RASEF: variants seen among roughly 807,000 people sequenced by gnomAD.
RASEF encodes RAS and EF-hand domain containing.
RASEF carries 68 observed loss-of-function variants against 90.1 expected under a neutral mutation model. The observed-to-expected ratio is 0.75, with a 90% CI of 0.62 to 0.92. RASEF has a LOEUF of 0.92. Ranked by LOEUF, RASEF falls within the 40% of genes least tolerant of loss-of-function variation. The pLI, the probability that RASEF is intolerant of heterozygous loss-of-function variation, is 0.00. For missense variants in RASEF, 949 were observed against 937.2 expected, an observed-to-expected ratio of 1.01 and a Z score of -0.16; for synonymous variants, 331 against 345.2, an observed-to-expected ratio of 0.96 and a Z score of 0.46.
At chr9:83,140,621 G>A in the RASEF span, among the ~76,000 whole-genome samples, 1 of 152,078 alleles carries the variant, frequency 6.6e-6, no homozygotes, top group Admixed American at 6.6e-5. Flanking sequence ...CACCAGAACA[G>A]AGTCACACTT....
chr9:83,023,277 G>A (rs2118564043), intron 2 of RASEF, among the ~76,000 whole-genome samples: 1 of 152,286 alleles, frequency 6.6e-6, no homozygotes, highest in Non-Finnish European at 1.5e-5. Context: ...GAAAAATTAT[G>A]TTTCTGTTAG....
chr9:83,129,696 C>G, the RASEF span, among the ~76,000 whole-genome samples: 1 of 152,060 alleles, frequency 6.6e-6, no homozygotes, highest in Non-Finnish European at 1.5e-5. Flanking sequence ...ATCCAGGTAG[C>G]CACGGAAGTC....
the RASEF span, among the ~76,000 whole-genome samples, chr9:83,079,893 C>T: frequency 9.3e-5 from 14 of 150,856 alleles, no homozygotes; most frequent in African/African-American, 2.7e-4. Flanking sequence ...AACAGCCTTG[C>T]GATATGATGA....
chr9:82,993,128 T>C, intron 14 of RASEF, 103 bp from the exon 15 acceptor site: 1 of 1,204,486 alleles, frequency 8.3e-7, no homozygotes, highest in South Asian at 1.5e-5. Context: ...CTTTGCCTCC[T>C]TTGTGCCAAA....
chr9:83,133,258 C>G, the RASEF span, among the ~76,000 whole-genome samples: 1,349 of 152,238 alleles, frequency 8.9e-3, 23 homozygotes, highest in African/African-American at 0.031. Context: ...CCAGAAACTC[C>G]TGGAAGACCA....
At position 83,062,816 on chromosome 9, in the gene RASEF, C is replaced by T. The variant is rs976887551; in HGVS notation, c.52G>A (p.Ala18Thr). Residue 18 changes from alanine (A) to threonine (T), a missense_variant, in exon 1 of 17, where the codon GCC becomes ACC. Coordinates refer to ENST00000376447, the MANE Select transcript of RASEF (RefSeq NM_152573.4). ...CCCGAGCGGTTCGCGTCGCAGGCGG[C>T]GAAGACTGAGCGCAGCCGGGCCAGC... The part of the protein sequence containing the change: ...EELARLRSVF[A>T]ACDANRSGRL... 2.6e-6 allele frequency: 4 copies of T among 1,554,850 alleles called. No individual in the cohort carries two copies. Among genetic ancestry groups the T allele is most frequent in the South Asian group, 1.2e-5 (1 of 84,984 alleles).
chr9:83,156,205 T>C, the RASEF span, among the ~76,000 whole-genome samples: 1 of 152,230 alleles, frequency 6.6e-6, no homozygotes, highest in Non-Finnish European at 1.5e-5. Context: ...TCTGATCTTA[T>C]ATTGACCTGC....
the RASEF span, among the ~76,000 whole-genome samples, chr9:83,085,904 GAC>G: frequency 6.6e-6 from 1 of 151,806 alleles, no homozygotes. Context: ...TAGCCTGGGT[GAC>G]AGAGCAAGAC....
At chr9:83,122,487 G>A in the RASEF span, among the ~76,000 whole-genome samples, 2 of 152,140 alleles carry the variant, frequency 1.3e-5, no homozygotes, top group African/African-American at 4.8e-5. Flanking sequence ...ATATTTCTCT[G>A]TAGGCCAGCC....
chr9:83,031,740 A>T (rs764470183), intron 1 of RASEF, among the ~76,000 whole-genome samples: 8 of 152,222 alleles, frequency 5.3e-5, no homozygotes, highest in Non-Finnish European at 1.0e-4. Context: ...ACGTTACAAG[A>T]GGACTCCTTA....
the RASEF span, among the ~76,000 whole-genome samples, chr9:83,182,806 T>C: frequency 1.3e-5 from 2 of 152,182 alleles, no homozygotes; most frequent in Non-Finnish European, 2.9e-5. Flanking sequence ...GAAAGAAACT[T>C]AAATTTTTAT....
the RASEF span, among the ~76,000 whole-genome samples, chr9:83,164,347 G>GTGTATATATATATA: frequency 5.4e-5 from 7 of 129,988 alleles, no homozygotes; most frequent in African/African-American, 1.7e-4. Flanking sequence ...GTATATGTGT[G>GTGTATATATATATA]TATATATATA....
intron 1 of RASEF, among the ~76,000 whole-genome samples, chr9:83,042,571 G>C (rs73471407): frequency 0.029 from 4,433 of 152,154 alleles, 197 homozygotes; most frequent in African/African-American, 0.1. Context: ...TCTACTTGAG[G>C]AATCTCCAAA....
At chr9:83,073,358 A>G in the RASEF span, among the ~76,000 whole-genome samples, 1 of 152,118 alleles carries the variant, frequency 6.6e-6, no homozygotes. Flanking sequence ...ATACTGAGAC[A>G]AAGTCACCAC....
At chr9:83,072,837 G>A in the RASEF span, among the ~76,000 whole-genome samples, 2 of 152,108 alleles carry the variant, frequency 1.3e-5, no homozygotes, top group Non-Finnish European at 2.9e-5. Flanking sequence ...ATCTCCTTTG[G>A]TGATACCCTC....
chr9:83,148,956 A>G, the RASEF span, among the ~76,000 whole-genome samples: 2 of 152,176 alleles, frequency 1.3e-5, no homozygotes, highest in Non-Finnish European at 2.9e-5. Context: ...TCTTCAGCCC[A>G]CGCTCTGTCA....
At chr9:83,144,479 G>T in the RASEF span, among the ~76,000 whole-genome samples, 1 of 151,658 alleles carries the variant, frequency 6.6e-6, no homozygotes, top group African/African-American at 2.4e-5. Flanking sequence ...GAAAAGAAGA[G>T]AAAAGAAAAG....
In RASEF at chr9:83,025,829, C is replaced by T. The variant is rs139684719; in HGVS notation, c.524G>A (p.Arg175His). ...TTCTGTGCTTTGAAGTCTGATCTCA[C>T]GGATGAAGTTCTTTATAACATGTTC... The part of the protein sequence containing the change: ...PYEHVIKNFI[R>H]EIRLQSTEME... The change falls in exon 2 of 17, where the codon CGT (arginine) becomes CAT (histidine). Residue 175 changes from arginine (R) to histidine (H), a missense_variant. Coordinates refer to ENST00000376447, the MANE Select transcript of RASEF (RefSeq NM_152573.4). 198 of 1,614,018 alleles carry T rather than the reference C, an allele frequency of 1.2e-4. No homozygotes were observed. In the African/African-American group the frequency reaches 1.8e-3, roughly 15 times the overall value.
chr9:83,085,063 G>C, the RASEF span, among the ~76,000 whole-genome samples: 1 of 152,080 alleles, frequency 6.6e-6, no homozygotes, highest in Non-Finnish European at 1.5e-5. Flanking sequence ...ATTTTAAAAA[G>C]ATATATCCCA....
Sources: allele counts gnomAD v4.1 joint callset (sites outside exome capture counted in the v4.1 genomes callset), GRCh38; gene constraint gnomAD v4.1.1; transcripts MANE v1.5; gene names NCBI Gene and HGNC (gene_info 2026-07-23, HGNC 2026-07-21).